The following TNNC1 variants were observed in gnomAD, a reference collection of about 807,000 sequenced individuals.
TNNC1 encodes the protein troponin C, slow skeletal and cardiac muscles.
A neutral mutation model predicts 19.6 loss-of-function variants in TNNC1; 10 were observed. That is an observed-to-expected ratio of 0.51 (90% CI 0.31 to 0.87). The LOEUF is 0.87. Among genes scored for constraint, TNNC1 ranks in the 40% least tolerant of loss-of-function variants. The pLI is 0.04. For missense variants in TNNC1, 115 were observed against 219.8 expected, an observed-to-expected ratio of 0.52 and a Z score of 3.02; for synonymous variants, 85 against 80.1, an observed-to-expected ratio of 1.06 and a Z score of -0.33.
chr3:52,453,910 G>A (rs989339980), intron 1 of TNNC1, 82 bp downstream of exon 1: 72 of 1,513,590 alleles, frequency 4.8e-5, no homozygotes, highest in Middle Eastern at 1.7e-4. Context: ...CCACTTCCCT[G>A]GGGCTACTAA....
Position 52,452,601 on chromosome 3 carries a change from G to A in TNNC1, c.25-88C>T. The A allele has an allele frequency of 1.4e-6, 2 of 1,399,424 alleles. No individual in the cohort carries two copies. Among genetic ancestry groups the A allele is most frequent in the Non-Finnish European group, 2.0e-6 (2 of 1,000,902 alleles). The allele number at this position is 1,399,424 out of a possible 1,614,324, so 86.7% of individuals were successfully genotyped here. A position where few individuals can be genotyped will look rare whatever the true frequency, so the allele number is the denominator to read the frequency against. ...CCATTCCACAGGTGAGAAGGCTGGAGCTGGAGGAGGCAGGCTATTTCCAGG... is the reference window on the plus strand; with the variant it reads ...CCATTCCACAGGTGAGAAGGCTGGAACTGGAGGAGGCAGGCTATTTCCAGG... On this transcript the variant is annotated intron_variant, in intron 1 of 5. Coordinates refer to ENST00000232975, the MANE Select transcript of TNNC1 (RefSeq NM_003280.3). This position sits in a 1 kb window ranked among gnomAD's most constrained non-coding sequence, Gnocchi z 5.2.
chr3:52,451,880 G>A lies in TNNC1; in HGVS notation c.203-22C>T, dbSNP rs111372509. On this transcript the variant is annotated intron_variant, in intron 3 of 5. Coordinates refer to ENST00000232975, the MANE Select transcript of TNNC1 (RefSeq NM_003280.3). This position sits in a 1 kb window ranked among gnomAD's most constrained non-coding sequence, Gnocchi z 4.8. ...CTGCCTGGGGGTGGGCAGCATGGCC[G>A]TTACAGAGGCCAGGGTAGGTACTGC... The A allele has an allele frequency of 2.2e-5, 36 of 1,605,218 alleles. No individual in the cohort carries two copies. The African/African-American group carries it at 2.7e-4, about 12-fold the overall frequency.
Position 52,452,855 on chromosome 3 carries a change from A to C in TNNC1, c.25-342T>G. ...AGCTGTCCCTCAAGTTGGGATAATA[A>C]AACCAGTGTGGAGGCAGGCAAGCCA... On this transcript the variant is annotated intron_variant, in intron 1 of 5. Transcript: ENST00000232975. This position sits in a 1 kb window ranked among gnomAD's most constrained non-coding sequence, Gnocchi z 5.2. 1 of 421,108 alleles carries C rather than the reference A, an allele frequency of 2.4e-6. No homozygotes were observed. The highest frequency in any genetic ancestry group is 2.3e-5 in the South Asian group (1 of 43,874). 26.1% of individuals were successfully genotyped at this position (421,108 alleles called of 1,614,324 possible). A position where few individuals can be genotyped will look rare whatever the true frequency, so the allele number is the denominator to read the frequency against.
intron 1 of TNNC1, among the ~76,000 whole-genome samples, chr3:52,453,536 G>A (rs970470199): frequency 3.3e-5 from 5 of 152,106 alleles, no homozygotes; most frequent in East Asian, 1.9e-4. Context: ...AAGCATCTTC[G>A]GCCCGCCAAG....
chr3:52,453,901 C>G (rs900538956), intron 1 of TNNC1, 91 bp downstream of exon 1: 3 of 1,485,304 alleles, frequency 2.0e-6, no homozygotes, highest in Admixed American at 2.0e-5. Context: ...TGGTCCCCAC[C>G]ACTTCCCTGG....
In TNNC1 at chr3:52,451,719, C is replaced by G; in HGVS notation, c.317+25G>C. On this transcript the variant is annotated intron_variant, in intron 4 of 5. Coordinates refer to ENST00000232975, the MANE Select transcript of TNNC1 (RefSeq NM_003280.3). This position sits in a 1 kb window ranked among gnomAD's most constrained non-coding sequence, Gnocchi z 4.8. ...GCTCGGCTTGAGTGTGGGTCAGGGT[C>G]AGAGGTCAAGGGTCACGTGCTCACT... 1 of 1,608,564 alleles carries G rather than the reference C, an allele frequency of 6.2e-7. No homozygotes were observed. The highest frequency in any genetic ancestry group is 8.5e-7 in the Non-Finnish European group (1 of 1,174,994).
At position 52,452,359 on chromosome 3, in the gene TNNC1, C is replaced by T; in HGVS notation, c.56-107G>A. On this transcript the variant is annotated intron_variant, in intron 2 of 5. Transcript: ENST00000232975. This position sits in a 1 kb window ranked among gnomAD's most constrained non-coding sequence, Gnocchi z 5.2. ...CAACCTGCCCACCTCCCTCGGAGAC[C>T]TCTCTGAGGGCAGAGCAAGAGGGAC... The T allele has an allele frequency of 3.2e-6, 5 of 1,585,324 alleles. No individual in the cohort carries two copies. The highest frequency in any genetic ancestry group is 4.3e-6 in the Non-Finnish European group (5 of 1,163,974).
chr3:52,452,395 G>T lies in TNNC1; in HGVS notation c.55+88C>A. On this transcript the variant is annotated intron_variant, in intron 2 of 5. Coordinates refer to ENST00000232975, the MANE Select transcript of TNNC1 (RefSeq NM_003280.3). The surrounding 1 kb of genome is among the most constrained non-coding windows in gnomAD (Gnocchi z 5.2). The stretch of plus-strand genomic sequence containing the variant: ...CAGAGCAAGAGGGACCAAGCCTCTG[G>T]TCTCTGGCCTGGGGTCCTCTTCTGA... 1.3e-6 allele frequency: 2 copies of T among 1,587,292 alleles called. No homozygotes were observed. Among genetic ancestry groups the T allele is most frequent in the South Asian group, 2.2e-5 (2 of 89,532 alleles).
At position 52,452,652 on chromosome 3, in the gene TNNC1, C is replaced by CA; in HGVS notation, c.25-140_25-139insT. 4 of 920,104 alleles carry CA rather than the reference C, an allele frequency of 4.3e-6. No individual in the cohort carries two copies. The highest frequency in any genetic ancestry group is 5.2e-6 in the Non-Finnish European group (3 of 579,014). The allele number at this position is 920,104 out of a possible 1,614,324, so 57.0% of individuals were successfully genotyped here. A position where few individuals can be genotyped will look rare whatever the true frequency, so the allele number is the denominator to read the frequency against. ...CCACAGAGTGGAGGTCTCAGTCCTC[C>CA]CTCCCTGCCCCCAAAGCCCTGACGT... On this transcript the variant is annotated intron_variant, in intron 1 of 5. Coordinates refer to ENST00000232975, the MANE Select transcript of TNNC1 (RefSeq NM_003280.3). The surrounding 1 kb of genome is among the most constrained non-coding windows in gnomAD (Gnocchi z 5.2).
In TNNC1 at chr3:52,451,699, G is replaced by T; in HGVS notation, c.317+45C>A. The T allele has an allele frequency of 1.3e-6, 2 of 1,597,990 alleles. No homozygotes were observed. Among genetic ancestry groups the T allele is most frequent in the Non-Finnish European group, 1.7e-6 (2 of 1,165,366 alleles). The stretch of plus-strand genomic sequence containing the variant: ...TGAGACTGCCCTCCTGTACAGCTCG[G>T]CTTGAGTGTGGGTCAGGGTCAGAGG... On this transcript the variant is annotated intron_variant, in intron 4 of 5. Coordinates refer to ENST00000232975, the MANE Select transcript of TNNC1 (RefSeq NM_003280.3). This position sits in a 1 kb window ranked among gnomAD's most constrained non-coding sequence, Gnocchi z 4.8.
intron 1 of TNNC1, 28 bp downstream of exon 1, chr3:52,453,964 C>A (rs1209193108): frequency 4.4e-6 from 7 of 1,580,560 alleles, no homozygotes; most frequent in Non-Finnish European, 6.0e-6. Flanking sequence ...GCCTGCCCAC[C>A]CCAGCCCTAC....
At position 52,451,977 on chromosome 3, in the gene TNNC1, C is replaced by G; in HGVS notation, c.203-119G>C. On this transcript the variant is annotated intron_variant, in intron 3 of 5. Transcript: ENST00000232975. The surrounding 1 kb of genome is among the most constrained non-coding windows in gnomAD (Gnocchi z 4.8). Reference sequence around the variant, plus strand: ...CACCAAACGCCAGGCTTGTGTAGCCCTTATGCCCATTTTATAGATGAGGCA... The same window carrying G: ...CACCAAACGCCAGGCTTGTGTAGCCGTTATGCCCATTTTATAGATGAGGCA... 1.3e-6 allele frequency: 2 copies of G among 1,556,190 alleles called. No individual in the cohort carries two copies. Among genetic ancestry groups the G allele is most frequent in the Non-Finnish European group, 1.8e-6 (2 of 1,130,792 alleles).
Position 52,451,247 on chromosome 3 carries a change from A to C in TNNC1, c.*28T>G, listed in dbSNP as rs747741083. 2 of 1,613,858 alleles carry C rather than the reference A, an allele frequency of 1.2e-6. No individual in the cohort carries two copies. Among genetic ancestry groups the C allele is most frequent in the African/African-American group, 2.7e-5 (2 of 74,906 alleles). On this transcript the variant is annotated 3_prime_UTR_variant, in exon 6 of 6. Coordinates refer to ENST00000232975, the MANE Select transcript of TNNC1 (RefSeq NM_003280.3). The surrounding 1 kb of genome is among the most constrained non-coding windows in gnomAD (Gnocchi z 4.8). Reference sequence around the variant, plus strand: ...ACTCAGCTGGAGTTGGAGGCTGGGCATAGGCAGCTCTGGGTGAAGGTCAGC... The same window carrying C: ...ACTCAGCTGGAGTTGGAGGCTGGGCCTAGGCAGCTCTGGGTGAAGGTCAGC...
chr3:52,453,970 C>G, intron 1 of TNNC1, 22 bp downstream of exon 1: 1 of 1,582,616 alleles, frequency 6.3e-7, no homozygotes, highest in Non-Finnish European at 8.6e-7. Context: ...CCACCCCAGC[C>G]CTACCCAGCC....
Position 52,451,196 on chromosome 3 carries a change from AC to A in TNNC1, c.*78del. 2 of 1,567,584 alleles carry A rather than the reference AC, an allele frequency of 1.3e-6. No homozygotes were observed. The highest frequency in any genetic ancestry group is 2.2e-5 in the South Asian group (2 of 89,644). ...GACATGGCCAGGCTCAGGTCCTGGGACCCCGACCCCCTCCCCAACCCCAGGA... is the reference window on the plus strand; with the variant it reads ...GACATGGCCAGGCTCAGGTCCTGGGACCCGACCCCCTCCCCAACCCCAGGA... On this transcript the variant is annotated 3_prime_UTR_variant, in exon 6 of 6. Transcript: ENST00000232975. This position sits in a 1 kb window ranked among gnomAD's most constrained non-coding sequence, Gnocchi z 4.8.
Position 52,451,726 on chromosome 3 carries a change from C to G in TNNC1, c.317+18G>C. 6.2e-7 allele frequency: 1 copy of G among 1,611,616 alleles called. No homozygotes were observed. The highest frequency in any genetic ancestry group is 8.5e-7 in the Non-Finnish European group (1 of 1,177,778). On this transcript the variant is annotated intron_variant, in intron 4 of 5. Coordinates refer to ENST00000232975, the MANE Select transcript of TNNC1 (RefSeq NM_003280.3). This position sits in a 1 kb window ranked among gnomAD's most constrained non-coding sequence, Gnocchi z 4.8. The stretch of plus-strand genomic sequence containing the variant: ...TTGAGTGTGGGTCAGGGTCAGAGGT[C>G]AAGGGTCACGTGCTCACTTGTCAAA...
rs1706329336 is a variant in TNNC1 at position 52,451,653 on chromosome 3, A to G, written c.317+91T>C. On this transcript the variant is annotated intron_variant, in intron 4 of 5. Coordinates refer to ENST00000232975, the MANE Select transcript of TNNC1 (RefSeq NM_003280.3). This position sits in a 1 kb window ranked among gnomAD's most constrained non-coding sequence, Gnocchi z 4.8. ...CTCTCCCCTATCAGGCAGAGGCCAC[A>G]GGGTCCCTAGGCCTGGAATCTGAGA... is the stretch of plus-strand genomic sequence containing the variant. 3 of 1,562,600 alleles carry G rather than the reference A, an allele frequency of 1.9e-6. No homozygotes were observed. In the African/African-American group the frequency reaches 4.1e-5, roughly 21 times the overall value.
Position 52,452,787 on chromosome 3 carries a change from C to T in TNNC1, c.25-274G>A, listed in dbSNP as rs1706348497. 1 of 545,074 alleles carries T rather than the reference C, an allele frequency of 1.8e-6. No homozygotes were observed. Among genetic ancestry groups the T allele is most frequent in the Non-Finnish European group, 3.3e-6 (1 of 302,260 alleles). 33.8% of individuals were successfully genotyped at this position (545,074 alleles called of 1,614,324 possible). ...CAATAGTCAGTGACCACTCAATGCC[C>T]TTTCGGCCCCTGATGAAACTCAAGC... On this transcript the variant is annotated intron_variant, in intron 1 of 5. Transcript: ENST00000232975. The surrounding 1 kb of genome is among the most constrained non-coding windows in gnomAD (Gnocchi z 5.2).
In TNNC1 at chr3:52,451,382, C is replaced by T. The variant is rs778230215; in HGVS notation, c.454+9G>A. ...TGGAGGCAGGAGATCAGCCCACCCA[C>T]CCGCTTACCATCATAGTCGATGCGG... On this transcript the variant is annotated intron_variant, in intron 5 of 5. Transcript: ENST00000232975. This position sits in a 1 kb window ranked among gnomAD's most constrained non-coding sequence, Gnocchi z 4.8. 8.1e-6 allele frequency: 13 copies of T among 1,614,108 alleles called. No homozygotes were observed. In the South Asian group the frequency reaches 1.4e-4, roughly 18 times the overall value.
Sources: allele counts gnomAD v4.1 joint callset (sites outside exome capture counted in the v4.1 genomes callset), GRCh38; gene constraint gnomAD v4.1.1; non-coding constraint Gnocchi (gnomAD v3.1); transcripts MANE v1.5; gene names NCBI Gene and HGNC (gene_info 2026-07-23, HGNC 2026-07-21).